SPATS2: variants seen among roughly 807,000 people sequenced by gnomAD.
SPATS2 encodes spermatogenesis-associated serine-rich protein 2.
A neutral mutation model predicts 63.7 loss-of-function variants in SPATS2; 38 were observed. The ratio of observed to expected loss-of-function variants is 0.60; its 90% CI spans 0.46 to 0.78. The LOEUF is 0.78. SPATS2 is among the 30% of genes least tolerant of loss of function. The probability of loss-of-function intolerance (pLI) is 0.00; values close to 1 mark genes in which losing one functional copy is unlikely to be tolerated. For missense variants in SPATS2, 588 were observed against 666.2 expected, an observed-to-expected ratio of 0.88 and a Z score of 1.29; for synonymous variants, 207 against 232.9, an observed-to-expected ratio of 0.89 and a Z score of 1.01.
At chr12:49,370,531 A>T (rs1009677282) in intron 1 of SPATS2, among the ~76,000 whole-genome samples, 1 of 152,236 alleles carries the variant, frequency 6.6e-6, no homozygotes, top group Non-Finnish European at 1.5e-5. Flanking sequence ...TAGCATGTCC[A>T]TCCCTTCTTT....
chr12:49,453,525 AT>A (rs1293575313), intron 2 of SPATS2, among the ~76,000 whole-genome samples: 1 of 152,058 alleles, frequency 6.6e-6, no homozygotes, highest in African/African-American at 2.4e-5. Flanking sequence ...TTTAAAATCA[AT>A]TTGGGCTGGG....
intron 2 of SPATS2, among the ~76,000 whole-genome samples, chr12:49,409,175 A>G (rs1004820299): frequency 7.2e-5 from 11 of 152,200 alleles, no homozygotes; most frequent in African/African-American, 2.7e-4. Flanking sequence ...AATCTGGGAA[A>G]TGGTGCTGCT....
intron 2 of SPATS2, among the ~76,000 whole-genome samples, chr12:49,383,834 G>T (rs1944265096): frequency 6.6e-6 from 1 of 152,096 alleles, no homozygotes; most frequent in Admixed American, 6.5e-5. Flanking sequence ...TATGGTTCTT[G>T]TCGGGCATGT....
chr12:49,446,798 C>T (rs1161575598), intron 2 of SPATS2, among the ~76,000 whole-genome samples: 3 of 152,162 alleles, frequency 2.0e-5, no homozygotes, highest in East Asian at 1.9e-4. Context: ...AAAGTCCCTT[C>T]GTAGCAGTAC....
At chr12:49,370,084 C>T (rs1164031058) in intron 1 of SPATS2, among the ~76,000 whole-genome samples, 5 of 152,144 alleles carry the variant, frequency 3.3e-5, no homozygotes, top group South Asian at 2.1e-4. Context: ...AGGGAATTTT[C>T]GTTTGTTGAG....
At chr12:49,449,355 A>C (rs1484833274) in intron 2 of SPATS2, among the ~76,000 whole-genome samples, 1 of 152,132 alleles carries the variant, frequency 6.6e-6, no homozygotes, top group Non-Finnish European at 1.5e-5. Context: ...AGCTGGGGTT[A>C]CAGGCACGTG....
chr12:49,390,128 T>G (rs750994222), intron 2 of SPATS2: 12 of 1,538,354 alleles, frequency 7.8e-6, no homozygotes, highest in Non-Finnish European at 1.1e-5. Flanking sequence ...TTGTCAGCAT[T>G]AGTGACCAAC....
At chr12:49,505,319 A>C (rs539455609) in intron 9 of SPATS2, among the ~76,000 whole-genome samples, 1 of 152,288 alleles carries the variant, frequency 6.6e-6, no homozygotes, top group Admixed American at 6.5e-5. Flanking sequence ...TAGTTTGTTG[A>C]TATCTTGTTT....
chr12:49,389,546 G>C, intron 2 of SPATS2: 1 of 985,164 alleles, frequency 1.0e-6, no homozygotes, highest in Non-Finnish European at 1.6e-6. Flanking sequence ...GGCACTTGCT[G>C]ATGCTAAAAC....
chr12:49,522,980 C>A, intron 12 of SPATS2, 127 bp downstream of exon 12: 1 of 728,264 alleles, frequency 1.4e-6, no homozygotes, highest in Non-Finnish European at 2.2e-6. Context: ...AAAACTAACT[C>A]TAGGATGCTT....
chr12:49,415,449 T>C (rs1218152538), intron 2 of SPATS2, among the ~76,000 whole-genome samples: 1 of 152,238 alleles, frequency 6.6e-6, no homozygotes, highest in Non-Finnish European at 1.5e-5. Context: ...ATATTCTATA[T>C]ACTGCTTGGA....
intron 3 of SPATS2, chr12:49,462,148 T>A: frequency 1.7e-6 from 1 of 591,470 alleles, no homozygotes; most frequent in Non-Finnish European, 3.0e-6. Flanking sequence ...AACTAGAGAG[T>A]CTTTATTTCA....
intron 10 of SPATS2, among the ~76,000 whole-genome samples, chr12:49,516,710 T>TA (rs113290886): frequency 0.06 from 8,061 of 134,436 alleles, 290 homozygotes; most frequent in Non-Finnish European, 0.086. Flanking sequence ...ATCTCAAAAC[T>TA]AAAAAAAAAA....
At chr12:49,449,570 A>G (rs1945581585) in intron 2 of SPATS2, among the ~76,000 whole-genome samples, 1 of 152,182 alleles carries the variant, frequency 6.6e-6, no homozygotes, top group African/African-American at 2.4e-5. Context: ...ATAAAGACAT[A>G]TCTGAGACTG....
intron 2 of SPATS2, among the ~76,000 whole-genome samples, chr12:49,374,747 G>A (rs1023161483): frequency 9.2e-5 from 14 of 152,074 alleles, no homozygotes; most frequent in African/African-American, 2.7e-4. Flanking sequence ...GATCACTTGA[G>A]GTCAGGAGTT....
chr12:49,464,001 A>G (rs1592423994), intron 3 of SPATS2, among the ~76,000 whole-genome samples: 6 of 152,204 alleles, frequency 3.9e-5, no homozygotes. Context: ...TGTAGACCCT[A>G]TTCCTGTCTG....
At chr12:49,386,261 T>C (rs1343249342) in intron 2 of SPATS2, among the ~76,000 whole-genome samples, 1 of 152,102 alleles carries the variant, frequency 6.6e-6, no homozygotes, top group African/African-American at 2.4e-5. Context: ...GCCTCCTTGG[T>C]TCAAGCCGTT....
intron 2 of SPATS2, chr12:49,390,246 C>T: frequency 1.2e-6 from 1 of 824,854 alleles, no homozygotes; most frequent in Non-Finnish European, 1.9e-6. Context: ...AAAATTCAAT[C>T]CATTATTTTT....
chr12:49,491,483 G>A (rs373432113), intron 6 of SPATS2, among the ~76,000 whole-genome samples: 1 of 152,112 alleles, frequency 6.6e-6, no homozygotes, highest in African/African-American at 2.4e-5. Context: ...GGGAGGCTGA[G>A]GTGGGAGGAT....
Sources: allele counts gnomAD v4.1 joint callset (sites outside exome capture counted in the v4.1 genomes callset), GRCh38; gene constraint gnomAD v4.1.1; transcripts MANE v1.5; gene names NCBI Gene and HGNC (gene_info 2026-07-23, HGNC 2026-07-21).